PTAFR: variants seen among roughly 807,000 people sequenced by gnomAD.
The protein encoded by PTAFR is platelet-activating factor receptor.
PTAFR carries 8 observed loss-of-function variants against 14.7 expected under a neutral mutation model. That is an observed-to-expected ratio of 0.54 (90% CI 0.32 to 0.98). The LOEUF (loss-of-function observed/expected upper bound fraction) is 0.98. PTAFR is among the 50% of genes least tolerant of loss of function. PTAFR has a pLI of 0.04. For synonymous variants in PTAFR, 156 were observed against 176.5 expected (o/e 0.88, Z 0.92); for missense variants, 337 against 451.2 (o/e 0.75, Z 2.29).
At chr1:28,182,882 T>C (rs1388453802) in intron 1 of PTAFR, among the ~76,000 whole-genome samples, 2 of 152,162 alleles carry the variant, frequency 1.3e-5, no homozygotes, top group Admixed American at 1.3e-4. Context: ...GGTTTCACCA[T>C]GTTGGCCAGG....
intron 1 of PTAFR, among the ~76,000 whole-genome samples, chr1:28,190,431 C>T (rs1646642977): frequency 6.6e-6 from 1 of 152,158 alleles, no homozygotes; most frequent in Admixed American, 6.6e-5. Context: ...TAATATTTAA[C>T]AGTGCAGTGG....
chr1:28,168,254 A>C (rs1055112045), intron 1 of PTAFR, among the ~76,000 whole-genome samples: 2 of 151,288 alleles, frequency 1.3e-5, no homozygotes, highest in Non-Finnish European at 2.9e-5. Flanking sequence ...TACAGGCGTG[A>C]GCCACCGCGC....
intron 1 of PTAFR, among the ~76,000 whole-genome samples, chr1:28,169,405 C>T (rs1045914397): frequency 6.6e-6 from 1 of 152,098 alleles, no homozygotes; most frequent in African/African-American, 2.4e-5. Context: ...AGCTATGCAA[C>T]CTTTGGTAAA....
intron 1 of PTAFR, among the ~76,000 whole-genome samples, chr1:28,156,398 A>C (rs1646264534): frequency 6.6e-6 from 1 of 152,230 alleles, no homozygotes; most frequent in Non-Finnish European, 1.5e-5. Context: ...GTGCAAAAGC[A>C]GATATGAGAA....
At chr1:28,170,384 C>T (rs1646439566) in intron 1 of PTAFR, among the ~76,000 whole-genome samples, 1 of 152,152 alleles carries the variant, frequency 6.6e-6, no homozygotes, top group South Asian at 2.1e-4. Flanking sequence ...GCCAGTCCCA[C>T]TTTCCTCATC....
chr1:28,158,623 A>T (rs1646292682), intron 1 of PTAFR, among the ~76,000 whole-genome samples: 1 of 152,064 alleles, frequency 6.6e-6, no homozygotes, highest in Non-Finnish European at 1.5e-5. Context: ...GCTTGAACCC[A>T]GTAGGTGGAG....
intron 1 of PTAFR, among the ~76,000 whole-genome samples, chr1:28,151,741 C>T (rs1553164158): frequency 1.3e-5 from 2 of 151,952 alleles, no homozygotes; most frequent in African/African-American, 4.8e-5. Context: ...TTTGTCTTTC[C>T]ATCCCTTTTG....
chr1:28,150,017 G>C lies in PTAFR; in HGVS notation c.1005C>G (p.Ile335Met), dbSNP rs759021751. The change falls in exon 2 of 2, where the codon ATC becomes ATG. Residue 335 changes from isoleucine to methionine, a missense_variant. Ile to Met is a conservative substitution (Grantham distance 10, BLOSUM62 1). Transcript: ENST00000373857. This position sits in a 1 kb window ranked among gnomAD's most constrained non-coding sequence, Gnocchi z 6.3. ...VTEVVVPFNQ[I>M]PGNSLKN Reference sequence around the variant, plus strand: ...ACTAATTTTTGAGGGAATTGCCAGGGATCTGGTTGAATGGCACAACCACTT... The same window carrying C: ...ACTAATTTTTGAGGGAATTGCCAGGCATCTGGTTGAATGGCACAACCACTT... 6.2e-7 allele frequency: 1 copy of C among 1,613,348 alleles called. No individual in the cohort carries two copies. The highest frequency in any genetic ancestry group is 8.5e-7 in the Non-Finnish European group (1 of 1,179,536).
upstream of PTAFR, among the ~76,000 whole-genome samples, chr1:28,178,421 C>T (rs1193526576): frequency 1.3e-5 from 2 of 151,670 alleles, no homozygotes; most frequent in Admixed American, 6.6e-5. Flanking sequence ...CTGCCACGCC[C>T]GGCTAATTTT....
chr1:28,166,670 C>CA (rs61065749), intron 1 of PTAFR, among the ~76,000 whole-genome samples: 3,847 of 120,252 alleles, frequency 0.032, 140 homozygotes, highest in African/African-American at 0.098. Context: ...GACTCCATCT[C>CA]AAAAAAAAAA....
intron 1 of PTAFR, among the ~76,000 whole-genome samples, chr1:28,184,281 C>A (rs1025356793): frequency 6.6e-6 from 1 of 151,510 alleles, no homozygotes; most frequent in African/African-American, 2.4e-5. Flanking sequence ...TTAGTAGAGA[C>A]GGGTTTTCAC....
chr1:28,191,697 A>G (rs1177591851), intron 1 of PTAFR, among the ~76,000 whole-genome samples: 4 of 150,702 alleles, frequency 2.7e-5, no homozygotes, highest in Non-Finnish European at 5.9e-5. Context: ...TCTTTTCTCT[A>G]TGTACTCTTT....
chr1:28,191,576 GA>G (rs1025339504), intron 1 of PTAFR, among the ~76,000 whole-genome samples: 66 of 142,792 alleles, frequency 4.6e-4, no homozygotes, highest in African/African-American at 1.6e-3. Context: ...TCTACAAAAA[GA>G]AAAAAGAAAA....
intron 1 of PTAFR, among the ~76,000 whole-genome samples, chr1:28,174,969 C>G (rs1350958909): frequency 6.6e-6 from 1 of 152,196 alleles, no homozygotes; most frequent in Non-Finnish European, 1.5e-5. Context: ...CTCTGTTGCC[C>G]AGGCTGGAGT....
chr1:28,148,225 C>T lies in PTAFR; in HGVS notation c.*1768G>A, dbSNP rs1204303689. The T allele has an allele frequency of 6.6e-6, 1 of 152,176 alleles. No individual in the cohort carries two copies. Among genetic ancestry groups the T allele is most frequent in the Non-Finnish European group, 1.5e-5 (1 of 68,066 alleles). The allele number at this position is 152,176 out of a possible 1,614,324, so 9.4% of individuals were successfully genotyped here. On this transcript the variant is annotated 3_prime_UTR_variant, in exon 2 of 2. Transcript: ENST00000373857. ...AGGAGAGGAGGCTCATTTGCATATA[C>T]TTGCCAAAAATCACAAGCAGACATC... is the stretch of plus-strand genomic sequence containing the variant.
intron 1 of PTAFR, among the ~76,000 whole-genome samples, chr1:28,152,938 C>T (rs1445705584): frequency 2.0e-5 from 3 of 152,044 alleles, no homozygotes; most frequent in East Asian, 3.9e-4. Context: ...TTACTTTATA[C>T]TTTTATGTGT....
At chr1:28,166,933 T>C (rs1219983558) in intron 1 of PTAFR, among the ~76,000 whole-genome samples, 1 of 152,098 alleles carries the variant, frequency 6.6e-6, no homozygotes, top group African/African-American at 2.4e-5. Context: ...GCTATGATCA[T>C]GCCACTGTAC....
In PTAFR at chr1:28,168,994, G is replaced by A. The variant is rs528637997; in HGVS notation, c.-39+7598C>T. On this transcript the variant is annotated intron_variant, in intron 1 of 1. Coordinates refer to ENST00000373857, the MANE Select transcript of PTAFR (RefSeq NM_000952.5). Reference sequence around the variant, plus strand: ...AGTTGAAAACATTCTATTGGCACTCGCAGGATTTAAAAAAAGAAAAGAAAA... The same window carrying A: ...AGTTGAAAACATTCTATTGGCACTCACAGGATTTAAAAAAAGAAAAGAAAA... 9.9e-5 allele frequency among the ~76,000 whole-genome samples: 15 copies of A among 151,898 alleles called. No individual in the cohort carries two copies. In the East Asian group the frequency reaches 1.2e-3, roughly 12 times the overall value.
chr1:28,160,559 G>A (rs954633939), intron 1 of PTAFR, among the ~76,000 whole-genome samples: 11 of 22,714 alleles, frequency 4.8e-4, no homozygotes, highest in African/African-American at 1.7e-4. Context: ...GCCTCCCCCC[G>A]CCACCCCCCA....
Sources: gnomAD v4.1 joint callset for allele counts (sites outside exome capture counted in the v4.1 genomes callset) on GRCh38, gnomAD v4.1.1 for gene constraint, Gnocchi (gnomAD v3.1) non-coding constraint, MANE v1.5 for transcripts, NCBI Gene and HGNC (gene_info 2026-07-23, HGNC 2026-07-21) for gene names.